Variants in ICAM5 observed in about 807,000 individuals in gnomAD.
The protein encoded by ICAM5 is ICAM-5.
A neutral mutation model predicts 78.8 loss-of-function variants in ICAM5; 38 were observed. The observed-to-expected ratio is 0.48, with a 90% confidence interval of 0.37 to 0.63. ICAM5 has a LOEUF of 0.63. Among genes scored for constraint, ICAM5 ranks in the 30% least tolerant of loss-of-function variants. The probability of loss-of-function intolerance (pLI) is 0.00; values close to 1 mark genes in which losing one functional copy is unlikely to be tolerated. For missense variants in ICAM5, 1,059 were observed against 1,303.0 expected, an observed-to-expected ratio of 0.81 and a Z score of 2.88; for synonymous variants, 544 against 590.9, an observed-to-expected ratio of 0.92 and a Z score of 1.15.
rs1482238388 is a variant in ICAM5, at chr19:10,290,215, C to G, written c.82+90C>G. On this transcript the variant is annotated intron_variant, in intron 1 of 10. Transcript: ENST00000221980. The surrounding 1 kb of genome is among the most constrained non-coding windows in gnomAD (Gnocchi z 5.7). ...GCCTCCTGTCCCTCCCAGCTCTGCCCTCGCCTCGCTCCCACGCCTCTGCCC... is the reference window on the plus strand; with the variant it reads ...GCCTCCTGTCCCTCCCAGCTCTGCCGTCGCCTCGCTCCCACGCCTCTGCCC... 1 of 965,936 alleles carries G rather than the reference C, an allele frequency of 1.0e-6. No homozygotes were observed. Among genetic ancestry groups the G allele is most frequent in the Non-Finnish European group, 1.5e-6 (1 of 678,210 alleles). 59.8% of individuals were successfully genotyped at this position (965,936 alleles called of 1,614,324 possible).
At position 10,294,563 on chromosome 19, in the gene ICAM5, A is replaced by G. The variant is rs1431229709; in HGVS notation, c.2153A>G (p.Glu718Gly). 1.9e-6 allele frequency: 3 copies of G among 1,612,680 alleles called. No homozygotes were observed. Among genetic ancestry groups the G allele is most frequent in the Non-Finnish European group, 2.5e-6 (3 of 1,179,646 alleles). ...CCTGAGCAGCAGCGCGTGTCCCGAGAGGACGCGGGCACTTACCACTGTGTG... is the reference window on the plus strand; with the variant it reads ...CCTGAGCAGCAGCGCGTGTCCCGAGGGGACGCGGGCACTTACCACTGTGTG... ...PWPEQQRVSR[E>G]DAGTYHCVAT... The change falls in exon 9 of 11, where the codon GAG becomes GGG. Residue 718 changes from glutamate to glycine, a missense_variant. Around this residue, in one of 3 missense-constraint regions of ICAM5, gnomAD observed 135 missense variants for 230.2 expected, o/e 0.59. Coordinates refer to ENST00000221980, the MANE Select transcript of ICAM5 (RefSeq NM_003259.4). The surrounding 1 kb of genome is among the most constrained non-coding windows in gnomAD (Gnocchi z 7.7).
Position 10,291,114 on chromosome 19 carries a change from T to C in ICAM5, c.125T>C (p.Val42Ala), listed in dbSNP as rs1193080242. ...TTCTGGGCGGACCTGCAGCCTCGCG[T>C]GGCGTTCGTGGAGCGCGGGGGCTCG... Reference protein sequence around the residue: ...EPFWADLQPRVAFVERGGSLW... With the variant: ...EPFWADLQPRAAFVERGGSLW... The change falls in exon 2 of 11, where the codon GTG becomes GCG. Residue 42 changes from valine to alanine, a missense_variant. Transcript: ENST00000221980. The C allele has an allele frequency of 6.2e-7, 1 of 1,612,062 alleles. No homozygotes were observed. Among genetic ancestry groups the C allele is most frequent in the Non-Finnish European group, 8.5e-7 (1 of 1,179,566 alleles).
Position 10,293,665 on chromosome 19 carries a change from A to G in ICAM5, c.1466-33A>G. Reference sequence around the variant, plus strand: ...CTAGGGACGTCAGATTTGCCCCCAAACCCCAAAGCCAACAATACACTCCCT... The same window carrying G: ...CTAGGGACGTCAGATTTGCCCCCAAGCCCCAAAGCCAACAATACACTCCCT... On this transcript the variant is annotated intron_variant, in intron 6 of 10. Transcript: ENST00000221980. This position sits in a 1 kb window ranked among gnomAD's most constrained non-coding sequence, Gnocchi z 5.0. The G allele has an allele frequency of 6.2e-7, 1 of 1,601,336 alleles. No individual in the cohort carries two copies. Among genetic ancestry groups the G allele is most frequent in the Non-Finnish European group, 8.5e-7 (1 of 1,171,562 alleles).
At position 10,294,064 on chromosome 19, in the gene ICAM5, G is replaced by A. The variant is rs753480140; in HGVS notation, c.1736G>A (p.Ser579Asn). 1 of 1,581,904 alleles carries A rather than the reference G, an allele frequency of 6.3e-7. No homozygotes were observed. Among genetic ancestry groups the A allele is most frequent in the South Asian group, 1.1e-5 (1 of 87,344 alleles). ...VEYGPRFEEP[S>N]CPSNWTWVEG... ...GATGGCCCCAGGTTTGAGGAGCCGA[G>A]CTGCCCCAGCAATTGGACATGGGTG... The change falls in exon 8 of 11, where the codon AGC becomes AAC. Residue 579 changes from serine (S) to asparagine (N), a missense_variant. By Grantham distance (46) the Ser-to-Asn change is conservative. This residue lies in a region of ICAM5 where 815 missense variants were observed against 952.8 expected (regional missense o/e 0.86). Transcript: ENST00000221980. The surrounding 1 kb of genome is among the most constrained non-coding windows in gnomAD (Gnocchi z 7.7).
rs761999669 is a variant in ICAM5 at position 10,293,834 on chromosome 19, C to T, written c.1602C>T (p.Ala534=). The T allele has an allele frequency of 1.2e-6, 2 of 1,612,882 alleles. No individual in the cohort carries two copies. The highest frequency in any genetic ancestry group is 1.7e-5 in the Admixed American group (1 of 59,994). Residue 534 remains alanine (A), a synonymous_variant, in exon 7 of 11, where the codon GCC becomes GCT. Transcript: ENST00000221980. This position sits in a 1 kb window ranked among gnomAD's most constrained non-coding sequence, Gnocchi z 5.0. Reference sequence around the variant, plus strand: ...GCGTGCGCTCTGGAGAACTCGGGGCCGTCATCGAGGGGCTGTTGCGTGTGG... The same window carrying T: ...GCGTGCGCTCTGGAGAACTCGGGGCTGTCATCGAGGGGCTGTTGCGTGTGG... ...VICVRSGELG[A]VIEGLLRVAR... is the part of the protein sequence containing the mutation.
At chr19:10,292,550 G>T in intron 4 of ICAM5, 62 bp from the exon 5 acceptor site, 2 of 1,515,348 alleles carry the variant, frequency 1.3e-6, no homozygotes, top group South Asian at 1.3e-5. Context: ...CAGATAAGGG[G>T]CGGGCCTTGA....
At position 10,290,574 on chromosome 19, in the gene ICAM5, A is replaced by G; in HGVS notation, c.82+449A>G. On this transcript the variant is annotated intron_variant, in intron 1 of 10. Transcript: ENST00000221980. This position sits in a 1 kb window ranked among gnomAD's most constrained non-coding sequence, Gnocchi z 5.7. ...CTCAGCTGTTCCCGCGGTTCCTTCCATGAGCCCAGCCTTGCGTCCCGGCTC... is the reference window on the plus strand; with the variant it reads ...CTCAGCTGTTCCCGCGGTTCCTTCCGTGAGCCCAGCCTTGCGTCCCGGCTC... The G allele has an allele frequency of 5.0e-6, 1 of 199,634 alleles. No homozygotes were observed. 12.4% of individuals were successfully genotyped at this position (199,634 alleles called of 1,614,324 possible). A position where few individuals can be genotyped will look rare whatever the true frequency, so the allele number is the denominator to read the frequency against.
Position 10,293,765 on chromosome 19 carries a change from G to GC in ICAM5, c.1534dup (p.Leu512ProfsTer12). ...CTTGGCTGGAGGGAACAGAAGCCTC[G>GC]CTGAGCTGTGTGGCGCACGGGGTAC... On this transcript the variant is annotated frameshift_variant, in exon 7 of 11. Coordinates refer to ENST00000221980, the MANE Select transcript of ICAM5 (RefSeq NM_003259.4). LOFTEE classifies it high-confidence loss of function. This position sits in a 1 kb window ranked among gnomAD's most constrained non-coding sequence, Gnocchi z 5.0. 6.2e-7 allele frequency: 1 copy of GC among 1,613,934 alleles called. No homozygotes were observed. The highest frequency in any genetic ancestry group is 1.3e-5 in the African/African-American group (1 of 75,066).
Position 10,293,353 on chromosome 19 carries a change from GT to G in ICAM5, c.1465+111del. 7.0e-7 allele frequency: 1 copy of G among 1,430,102 alleles called. No individual in the cohort carries two copies. Among genetic ancestry groups the G allele is most frequent in the Non-Finnish European group, 9.4e-7 (1 of 1,063,282 alleles). The allele number at this position is 1,430,102 out of a possible 1,614,324, so 88.6% of individuals were successfully genotyped here. ...GGTATGAGGTGTCCCTTTGGGTGAGGTTTTGGGAAAGGGAAGAGGCTGGTTA... is the reference window on the plus strand; with the variant it reads ...GGTATGAGGTGTCCCTTTGGGTGAGGTTTGGGAAAGGGAAGAGGCTGGTTA... On this transcript the variant is annotated intron_variant, in intron 6 of 10. Coordinates refer to ENST00000221980, the MANE Select transcript of ICAM5 (RefSeq NM_003259.4). This position sits in a 1 kb window ranked among gnomAD's most constrained non-coding sequence, Gnocchi z 5.0.
chr19:10,291,698 C>G lies in ICAM5; in HGVS notation c.562C>G (p.Arg188Gly). The G allele has an allele frequency of 6.2e-7, 1 of 1,612,634 alleles. No homozygotes were observed. ...GAVLTATVLARREDHGANFSC... is the reference protein window; with the variant it reads ...GAVLTATVLAGREDHGANFSC... Reference sequence around the variant, plus strand: ...GGTGCTCACAGCCACGGTACTGGCTCGGAGGGAGGACCATGGAGCCAATTT... The same window carrying G: ...GGTGCTCACAGCCACGGTACTGGCTGGGAGGGAGGACCATGGAGCCAATTT... Residue 188 changes from arginine to glycine, a missense_variant, in exon 3 of 11, where the codon CGG becomes GGG. This residue lies in a region of ICAM5 where 815 missense variants were observed against 952.8 expected (regional missense o/e 0.86). Transcript: ENST00000221980.
Position 10,290,121 on chromosome 19 carries a change from C to T in ICAM5, c.78C>T (p.Leu26=). 1 of 1,529,012 alleles carries T rather than the reference C, an allele frequency of 6.5e-7. No individual in the cohort carries two copies. Among genetic ancestry groups the T allele is most frequent in the Non-Finnish European group, 8.8e-7 (1 of 1,136,482 alleles). The allele number at this position is 1,529,012 out of a possible 1,614,324, so 94.7% of individuals were successfully genotyped here. Residue 26 remains leucine, a synonymous_variant, in exon 1 of 11, where the codon CTC becomes CTT. Transcript: ENST00000221980. This position sits in a 1 kb window ranked among gnomAD's most constrained non-coding sequence, Gnocchi z 5.7. ...CTCTGGGCCTGGGGCTCTTCGGCCT[C>T]TCAGGTAAGAGCCCCGCTCTGGTTC... ...WAALGLGLFG[L]SAVSQEPFWA...
rs1189285641 is a variant in ICAM5 at position 10,294,062 on chromosome 19, G to A, written c.1734G>A (p.Pro578=). The A allele has an allele frequency of 6.3e-7, 1 of 1,581,484 alleles. No individual in the cohort carries two copies. Among genetic ancestry groups the A allele is most frequent in the Non-Finnish European group, 8.6e-7 (1 of 1,162,376 alleles). ...TVEYGPRFEE[P]SCPSNWTWVE... ...CAGATGGCCCCAGGTTTGAGGAGCC[G>A]AGCTGCCCCAGCAATTGGACATGGG... The change falls in exon 8 of 11, where the codon CCG becomes CCA. Residue 578 remains proline (P), a synonymous_variant. Coordinates refer to ENST00000221980, the MANE Select transcript of ICAM5 (RefSeq NM_003259.4). This position sits in a 1 kb window ranked among gnomAD's most constrained non-coding sequence, Gnocchi z 7.7.
chr19:10,292,954 A>G (rs1428272125), intron 5 of ICAM5, 44 bp from the exon 6 acceptor site: 2 of 1,608,676 alleles, frequency 1.2e-6, no homozygotes, highest in Non-Finnish European at 8.5e-7. Context: ...AGGCGGAGCC[A>G]TTTCTTACGT....
intron 10 of ICAM5, among the ~76,000 whole-genome samples, chr19:10,296,056 C>A (rs1455122118): frequency 6.6e-6 from 1 of 151,994 alleles, no homozygotes; most frequent in Non-Finnish European, 1.5e-5. Flanking sequence ...CTGGTCCTGC[C>A]GGTCCTCATT....
chr19:10,291,562 T>C lies in ICAM5; in HGVS notation c.426T>C (p.Cys142=), dbSNP rs1385752120. 1 of 1,612,432 alleles carries C rather than the reference T, an allele frequency of 6.2e-7. No individual in the cohort carries two copies. Residue 142 remains cysteine (C), a synonymous_variant, in exon 3 of 11, where the codon TGT becomes TGC. Coordinates refer to ENST00000221980, the MANE Select transcript of ICAM5 (RefSeq NM_003259.4). The stretch of plus-strand genomic sequence containing the variant: ...TGGGCGAGAACTTCACCCTGAGCTG[T>C]AGGGTCCCCGGCGCCGGGCCCCGTG... ...QPVGENFTLS[C]RVPGAGPRAS... is the part of the protein sequence containing the mutation.
rs2040163376 is a variant in ICAM5, at chr19:10,290,596, G to C, written c.82+471G>C. On this transcript the variant is annotated intron_variant, in intron 1 of 10. Coordinates refer to ENST00000221980, the MANE Select transcript of ICAM5 (RefSeq NM_003259.4). The surrounding 1 kb of genome is among the most constrained non-coding windows in gnomAD (Gnocchi z 5.7). ...TCCATGAGCCCAGCCTTGCGTCCCG[G>C]CTCCGTGTTCTTCACCGGGTGTAGG... 5.0e-6 allele frequency: 1 copy of C among 201,540 alleles called. No homozygotes were observed. The allele number at this position is 201,540 out of a possible 1,614,324, so 12.5% of individuals were successfully genotyped here. A position where few individuals can be genotyped will look rare whatever the true frequency, so the allele number is the denominator to read the frequency against.
Position 10,292,869 on chromosome 19 carries a change from G to C in ICAM5, c.1216+3G>C, listed in dbSNP as rs768334317. 6.2e-7 allele frequency: 1 copy of C among 1,610,808 alleles called. No homozygotes were observed. On this transcript the variant is annotated splice_donor_region_variant and intron_variant, in intron 5 of 10. Transcript: ENST00000221980. ...GAGCGCAGAGCTTCGTGTCCTATGT[G>C]AGTTGGTGATAACCCCTCGCCCCCC... is the stretch of plus-strand genomic sequence containing the variant.
Position 10,295,398 on chromosome 19 carries a change from A to C in ICAM5, c.2283A>C (p.Pro761=). Residue 761 remains proline (P), a synonymous_variant, in exon 10 of 11, where the codon CCA becomes CCC. Transcript: ENST00000221980. ...LAASPPGGVR[P]GGNFTLTCRA... ...CCTCGCCCCCTGGAGGCGTGCGCCC[A>C]GGAGGAAACTTCACGTTGACCTGCC... is the stretch of plus-strand genomic sequence containing the variant. 3.7e-6 allele frequency: 6 copies of C among 1,602,928 alleles called. No individual in the cohort carries two copies. Among genetic ancestry groups the C allele is most frequent in the Non-Finnish European group, 5.1e-6 (6 of 1,176,666 alleles).
Position 10,290,421 on chromosome 19 carries a change from T to G in ICAM5, c.82+296T>G. ...CCGCTCCCCGGGTACCTCCTTACGC[T>G]GTGCTGTGCACCATGGTCCACGGAC... is the stretch of plus-strand genomic sequence containing the variant. On this transcript the variant is annotated intron_variant, in intron 1 of 10. Transcript: ENST00000221980. The surrounding 1 kb of genome is among the most constrained non-coding windows in gnomAD (Gnocchi z 5.7). 2.6e-6 allele frequency: 1 copy of G among 391,520 alleles called. No homozygotes were observed. The highest frequency in any genetic ancestry group is 4.6e-6 in the Non-Finnish European group (1 of 217,194). The allele number at this position is 391,520 out of a possible 1,614,324, so 24.3% of individuals were successfully genotyped here. A position where few individuals can be genotyped will look rare whatever the true frequency, so the allele number is the denominator to read the frequency against.
Sources: allele counts gnomAD v4.1 joint callset (sites outside exome capture counted in the v4.1 genomes callset), GRCh38; gene constraint gnomAD v4.1.1; regional missense constraint gnomAD v4.1.1; non-coding constraint Gnocchi (gnomAD v3.1); transcripts MANE v1.5; gene names NCBI Gene and HGNC (gene_info 2026-07-23, HGNC 2026-07-21).